Variants in PLPPR3 observed in about 807,000 individuals in gnomAD.
The protein encoded by PLPPR3 is phospholipid phosphatase related 3.
PLPPR3 carries 14 observed loss-of-function variants against 27.3 expected under a neutral mutation model. That is an observed-to-expected ratio of 0.51 (90% CI 0.34 to 0.80). The LOEUF (loss-of-function observed/expected upper bound fraction) is 0.80, where lower values mean the gene tolerates loss of function less well. PLPPR3 is among the 30% of genes least tolerant of loss of function. The probability of loss-of-function intolerance (pLI) is 0.01; values close to 1 mark genes in which losing one functional copy is unlikely to be tolerated. For missense variants in PLPPR3, 1,287 were observed against 1,056.9 expected (o/e 1.22, Z -3.02); for synonymous variants, 671 against 508.0 (o/e 1.32, Z -4.32).
chr19:822,613 CGGGGCTG>C (rs1177144792), upstream of PLPPR3, among the ~76,000 whole-genome samples: 13 of 152,134 alleles, frequency 8.5e-5, no homozygotes, highest in East Asian at 1.9e-4. Flanking sequence ...TTGCGGGGCG[CGGGGCTG>C]GGGGCTGGGG....
At position 815,704 on chromosome 19, in the gene PLPPR3, T is replaced by A. The variant is rs1440893126; in HGVS notation, c.223A>T (p.Met75Leu). Residue 75 changes from methionine (M) to leucine (L), a missense_variant, in exon 3 of 8, where the codon ATG becomes TTG. Coordinates refer to ENST00000520876, the MANE Select transcript of PLPPR3 (RefSeq NM_001270366.2). Reference sequence around the variant, plus strand: ...GCCGCGAAGGCCAAGCTGAGCAGCATCAGCAGCGGGATGAGCTCCTCGTTG... The same window carrying A: ...GCCGCGAAGGCCAAGCTGAGCAGCAACAGCAGCGGGATGAGCTCCTCGTTG... ...ETNEELIPLL[M>L]LLSLAFAAPA... is the part of the protein sequence containing the mutation. 1 of 1,606,946 alleles carries A rather than the reference T, an allele frequency of 6.2e-7. No homozygotes were observed. Among genetic ancestry groups the A allele is most frequent in the African/African-American group, 1.3e-5 (1 of 74,678 alleles).
upstream of PLPPR3, among the ~76,000 whole-genome samples, chr19:822,140 G>A (rs903142209): frequency 6.6e-6 from 1 of 151,694 alleles, no homozygotes; most frequent in African/African-American, 2.4e-5. Context: ...GCCTCCCACC[G>A]CCGGGGGTCT....
chr19:812,815 A>C lies in PLPPR3; in HGVS notation c.1912T>G (p.Ser638Ala). Residue 638 changes from serine (S) to alanine (A), a missense_variant, in exon 8 of 8, where the codon TCC becomes GCC. Physicochemically the swap from Ser to Ala is moderately conservative, Grantham distance 99. Transcript: ENST00000520876. Reference protein sequence around the residue: ...FRGGAKPPGVSPGSSVSDVDQ... With the variant: ...FRGGAKPPGVAPGSSVSDVDQ... ...ACGTCGCTGACCGACGAGCCGGGGG[A>C]CACGCCCGGGGGCTTGGCCCCGCCG... The C allele has an allele frequency of 9.1e-7, 1 of 1,099,592 alleles. No individual in the cohort carries two copies. The highest frequency in any genetic ancestry group is 1.1e-6 in the Non-Finnish European group (1 of 902,596). 68.1% of individuals were successfully genotyped at this position (1,099,592 alleles called of 1,614,324 possible).
At chr19:815,998 T>C (rs2035046875) in intron 2 of PLPPR3, 147 bp from the exon 3 acceptor site, 2 of 756,864 alleles carry the variant, frequency 2.6e-6, no homozygotes, top group Admixed American at 5.6e-5. Context: ...CCATGAGTTA[T>C]TCATCCATCC....
intron 2 of PLPPR3, among the ~76,000 whole-genome samples, chr19:816,808 ATC>A (rs2145075113): frequency 2.6e-5 from 1 of 38,968 alleles, no homozygotes; most frequent in South Asian, 9.5e-4. Context: ...AACAGTACCC[ATC>A]CATCCATCCA....
At chr19:823,341 C>T (rs948223283), upstream of PLPPR3, among the ~76,000 whole-genome samples, 2 of 150,806 alleles carry the variant, frequency 1.3e-5, no homozygotes, top group Admixed American at 6.6e-5. Flanking sequence ...AGATGGGAGG[C>T]TGAGGCAGGA....
At position 821,539 on chromosome 19, in the gene PLPPR3, C is replaced by G. The variant is rs562425709; in HGVS notation, c.21G>C (p.Lys7Asn). 6.7e-7 allele frequency: 1 copy of G among 1,492,796 alleles called. No individual in the cohort carries two copies. The highest frequency in any genetic ancestry group is 8.9e-7 in the Non-Finnish European group (1 of 1,117,746). 92.5% of individuals were successfully genotyped at this position (1,492,796 alleles called of 1,614,324 possible). The change falls in exon 2 of 8, where the codon AAG (lysine) becomes AAC (asparagine). Residue 7 changes from lysine (K) to asparagine (N), a missense_variant. Lys to Asn is a moderately conservative substitution (Grantham distance 94). Transcript: ENST00000520876. ...TCATGCTGTCCTTCGGGATCTTGTT[C>G]TTCTCCTTGGTGGAGATCATGGTGC... Reference protein sequence around the residue: MISTKEKNKIPKDSMTL... With the variant: MISTKENNKIPKDSMTL...
chr19:813,083 C>A lies in PLPPR3; in HGVS notation c.1644G>T (p.Ala548=). ...QVIAMSKAPG[A]PGPKAAETAS... is the part of the protein sequence containing the mutation. ...CCGTCTCGGCCGCCTTGGGGCCCGG[C>A]GCGCCCGGAGCCTTGGACATGGCGA... Residue 548 remains alanine (A), a synonymous_variant, in exon 8 of 8, where the codon GCG becomes GCT. Transcript: ENST00000520876. This position sits in a 1 kb window ranked among gnomAD's most constrained non-coding sequence, Gnocchi z 4.1. 2.0e-6 allele frequency: 3 copies of A among 1,496,722 alleles called. No individual in the cohort carries two copies. Among genetic ancestry groups the A allele is most frequent in the Non-Finnish European group, 2.6e-6 (3 of 1,133,720 alleles). The allele number at this position is 1,496,722 out of a possible 1,614,324, so 92.7% of individuals were successfully genotyped here.
At chr19:814,336 T>G in intron 7 of PLPPR3, 98 bp downstream of exon 7, 3 of 1,191,534 alleles carry the variant, frequency 2.5e-6, no homozygotes, top group African/African-American at 1.7e-5. Flanking sequence ...CTCAGACCCC[T>G]GGGCCAGCCT....
At chr19:820,431 C>T (rs1568287713) in intron 2 of PLPPR3, among the ~76,000 whole-genome samples, 1 of 152,178 alleles carries the variant, frequency 6.6e-6, no homozygotes, top group Non-Finnish European at 1.5e-5. Flanking sequence ...GTGATCCTCC[C>T]ACCTCAGTCT....
chr19:813,497 C>T lies in PLPPR3; in HGVS notation c.1230G>A (p.Glu410=), dbSNP rs1599256552. 3.9e-6 allele frequency: 6 copies of T among 1,552,668 alleles called. No individual in the cohort carries two copies. The highest frequency in any genetic ancestry group is 5.2e-6 in the Non-Finnish European group (6 of 1,152,646). ...GGCCCTCCAGGCTCTTCTGCTTCCA[C>T]TCGCTGATGAGCTGCTTGGAGCGCG... The part of the protein sequence containing the change: ...DASRSKQLIS[E]WKQKSLEGRG... The change falls in exon 8 of 8, where the codon GAG becomes GAA. Residue 410 remains glutamate, a synonymous_variant. Transcript: ENST00000520876. The surrounding 1 kb of genome is among the most constrained non-coding windows in gnomAD (Gnocchi z 4.1).
At position 812,543 on chromosome 19, in the gene PLPPR3, CCCCCGCCCGCCCCCGG is replaced by C. The variant is rs2034938956; in HGVS notation, c.*11_*26del. On this transcript the variant is annotated 3_prime_UTR_variant, in exon 8 of 8. Transcript: ENST00000520876. ...GCGGCCGCCCGCGCCCTCGGCCCGC[CCCCCGCCCGCCCCCGG>C]CCCCGCCGCGCTAGTCGGGGAAGCG... is the stretch of plus-strand genomic sequence containing the variant. The C allele has an allele frequency of 2.9e-6, 2 of 681,138 alleles. No homozygotes were observed. The highest frequency in any genetic ancestry group is 2.0e-5 in the African/African-American group (1 of 51,096). 42.2% of individuals were successfully genotyped at this position (681,138 alleles called of 1,614,324 possible). A position where few individuals can be genotyped will look rare whatever the true frequency, so the allele number is the denominator to read the frequency against.
intron 2 of PLPPR3, among the ~76,000 whole-genome samples, chr19:817,687 C>T (rs2035082516): frequency 6.6e-6 from 1 of 152,272 alleles, no homozygotes; most frequent in East Asian, 1.9e-4. Flanking sequence ...AGGGAAAAGC[C>T]ATCACTGAAC....
Position 812,591 on chromosome 19 carries a change from CT to C in PLPPR3, c.2135del (p.Gln712ArgfsTer30). The C allele has an allele frequency of 9.0e-7, 1 of 1,107,648 alleles. No individual in the cohort carries two copies. Among genetic ancestry groups the C allele is most frequent in the South Asian group, 2.1e-5 (1 of 48,394 alleles). 68.6% of individuals were successfully genotyped at this position (1,107,648 alleles called of 1,614,324 possible). On this transcript the variant is annotated frameshift_variant, in exon 8 of 8. Transcript: ENST00000520876. LOFTEE classifies it high-confidence loss of function. ...AEAEGYFRKM[Q>X]ARRFPD ...CGCGCTAGTCGGGGAAGCGGCGCGCCTGCATCTTGCGGAAGTAGCCCTCGGC... is the reference window on the plus strand; with the variant it reads ...CGCGCTAGTCGGGGAAGCGGCGCGCCGCATCTTGCGGAAGTAGCCCTCGGC...
Position 813,848 on chromosome 19 carries a change from G to C in PLPPR3, c.879C>G (p.Pro293=). 6.8e-7 allele frequency: 1 copy of C among 1,466,950 alleles called. No homozygotes were observed. The highest frequency in any genetic ancestry group is 1.4e-5 in the African/African-American group (1 of 69,308). The allele number at this position is 1,466,950 out of a possible 1,614,324, so 90.9% of individuals were successfully genotyped here. A position where few individuals can be genotyped will look rare whatever the true frequency, so the allele number is the denominator to read the frequency against. The change falls in exon 8 of 8, where the codon CCC becomes CCG. Residue 293 remains proline, a synonymous_variant. Coordinates refer to ENST00000520876, the MANE Select transcript of PLPPR3 (RefSeq NM_001270366.2). The surrounding 1 kb of genome is among the most constrained non-coding windows in gnomAD (Gnocchi z 4.1). The part of the protein sequence containing the change: ...GNFQAPPAEK[P]AAPAPAKDAL... ...CGTCCTTGGCGGGGGCCGGGGCCGC[G>C]GGCTTCTCTGCAGGTGGGGCCTGGA...
In PLPPR3 at chr19:812,548, G is replaced by GCCCGCCCCCGGC. The variant is rs2034939647; in HGVS notation, c.*10_*21dup. 1 of 276,634 alleles carries GCCCGCCCCCGGC rather than the reference G, an allele frequency of 3.6e-6. No homozygotes were observed. Among genetic ancestry groups the GCCCGCCCCCGGC allele is most frequent in the Admixed American group, 1.5e-4 (1 of 6,606 alleles). The allele number at this position is 276,634 out of a possible 1,614,324, so 17.1% of individuals were successfully genotyped here. ...CGCCCGCGCCCTCGGCCCGCCCCCC[G>GCCCGCCCCCGGC]CCCGCCCCCGGCCCCGCCGCGCTAG... On this transcript the variant is annotated 3_prime_UTR_variant, in exon 8 of 8. Coordinates refer to ENST00000520876, the MANE Select transcript of PLPPR3 (RefSeq NM_001270366.2).
At position 812,678 on chromosome 19, in the gene PLPPR3, C is replaced by A; in HGVS notation, c.2049G>T (p.Glu683Asp). 9.5e-7 allele frequency: 1 copy of A among 1,049,600 alleles called. No individual in the cohort carries two copies. The highest frequency in any genetic ancestry group is 1.1e-6 in the Non-Finnish European group (1 of 870,242). The allele number at this position is 1,049,600 out of a possible 1,614,324, so 65.0% of individuals were successfully genotyped here. Residue 683 changes from glutamate to aspartate, a missense_variant, in exon 8 of 8, where the codon GAG (glutamate) becomes GAT (aspartate). By Grantham distance (45) the Glu-to-Asp change is conservative. Coordinates refer to ENST00000520876, the MANE Select transcript of PLPPR3 (RefSeq NM_001270366.2). ...ADGALGPGSRESTLRRHAGGL... is the reference protein window; with the variant it reads ...ADGALGPGSRDSTLRRHAGGL... ...CGCCCGCGTGGCGCCGCAGCGTGGA[C>A]TCCCGGCTGCCCGGGCCCAGCGCCC...
chr19:817,879 C>T lies in PLPPR3; in HGVS notation c.76-2028G>A, dbSNP rs890822948. ...AACCTGTGGGCGGCCAGCAGACCCC[C>T]TGTGCCTCAGTCTCACCAGCTGCAA... On this transcript the variant is annotated intron_variant, in intron 2 of 7. Coordinates refer to ENST00000520876, the MANE Select transcript of PLPPR3 (RefSeq NM_001270366.2). Among the ~76,000 whole-genome samples the T allele has an allele frequency of 7.2e-5, 11 of 152,162 alleles. No homozygotes were observed. In the East Asian group the frequency reaches 2.1e-3, roughly 29 times the overall value.
chr19:822,774 C>T (rs2035167877), upstream of PLPPR3, among the ~76,000 whole-genome samples: 1 of 152,184 alleles, frequency 6.6e-6, no homozygotes, highest in Non-Finnish European at 1.5e-5. Context: ...GAGGCTTGGG[C>T]ACCCTGGGTC....
Sources: gnomAD v4.1 joint callset for allele counts (sites outside exome capture counted in the v4.1 genomes callset) on GRCh38, gnomAD v4.1.1 for gene constraint, Gnocchi (gnomAD v3.1) non-coding constraint, MANE v1.5 for transcripts, NCBI Gene and HGNC (gene_info 2026-07-23, HGNC 2026-07-21) for gene names.